The following MYO1D variants were observed in gnomAD, a reference collection of about 807,000 sequenced individuals.
MYO1D encodes the protein myosin ID.
Under a neutral mutation model 122.0 loss-of-function variants are expected in MYO1D, and 83 were observed. The observed-to-expected ratio is 0.68, with a 90% CI of 0.57 to 0.82. The LOEUF (loss-of-function observed/expected upper bound fraction) is 0.82, where lower values mean the gene tolerates loss of function less well. MYO1D is among the 40% of genes least tolerant of loss of function. MYO1D has a pLI of 0.00. For missense variants in MYO1D, 1,157 were observed against 1,269.5 expected (o/e 0.91, Z 1.35); for synonymous variants, 464 against 446.9 (o/e 1.04, Z -0.48).
intron 21 of MYO1D, among the ~76,000 whole-genome samples, chr17:32,509,801 A>C (rs1909625083): frequency 6.6e-6 from 1 of 151,848 alleles, no homozygotes. Context: ...GTTGGCCAGG[A>C]TGGTCTCGAT....
intron 21 of MYO1D, among the ~76,000 whole-genome samples, chr17:32,553,039 C>T (rs1210184342): frequency 3.4e-5 from 5 of 146,694 alleles, no homozygotes; most frequent in Non-Finnish European, 7.4e-5. Context: ...GAGTTCAGGG[C>T]CAGTATGGGC....
intron 1 of MYO1D, among the ~76,000 whole-genome samples, chr17:32,871,982 T>A (rs2091183345): frequency 6.6e-6 from 1 of 152,122 alleles, no homozygotes; most frequent in South Asian, 2.1e-4. Context: ...GGTTAGGGCT[T>A]CAAGTGGTCA....
intron 1 of MYO1D, among the ~76,000 whole-genome samples, chr17:32,829,515 G>A (rs9898669): frequency 0.037 from 5,655 of 152,222 alleles, 370 homozygotes; most frequent in African/African-American, 0.13. Flanking sequence ...GCACAGTGGC[G>A]CAATCTCAGC....
rs149804147 is a variant in MYO1D at position 32,867,392 on chromosome 17, T to C, written c.95+9386A>G. ...TCAATCATATTTCACTTTATATTGA[T>C]CCATTTATTAAGGTATCTCTTACTC... On this transcript the variant is annotated intron_variant, in intron 1 of 21. Coordinates refer to ENST00000318217, the MANE Select transcript of MYO1D (RefSeq NM_015194.3). 8.6e-3 allele frequency among the ~76,000 whole-genome samples: 1,308 copies of C among 151,872 alleles called. 13 individuals carry two copies. The highest frequency in any genetic ancestry group is 0.015 in the Non-Finnish European group (1,016 of 67,990).
At chr17:32,871,843 C>T (rs139330271) in intron 1 of MYO1D, among the ~76,000 whole-genome samples, 32 of 152,240 alleles carry the variant, frequency 2.1e-4, no homozygotes, top group African/African-American at 7.7e-4. Flanking sequence ...GGGTGCAAAG[C>T]TGATGTTAAT....
chr17:32,768,717 A>G (rs1377938633), intron 6 of MYO1D, among the ~76,000 whole-genome samples: 1 of 152,178 alleles, frequency 6.6e-6, no homozygotes, highest in East Asian at 1.9e-4. Context: ...TTCCTCACAA[A>G]TAAAATGGGC....
chr17:32,612,349 A>G (rs746040988), intron 20 of MYO1D, among the ~76,000 whole-genome samples: 9 of 152,176 alleles, frequency 5.9e-5, no homozygotes, highest in Non-Finnish European at 1.0e-4. Flanking sequence ...AATATTTAAC[A>G]TTAGGAATGA....
chr17:32,503,258 G>C (rs1909380957), intron 21 of MYO1D, among the ~76,000 whole-genome samples: 1 of 152,334 alleles, frequency 6.6e-6, no homozygotes, highest in African/African-American at 2.4e-5. Context: ...CCCCTGGTCA[G>C]CTGGGCAGTG....
chr17:32,787,763 C>G (rs1320391309), intron 1 of MYO1D, among the ~76,000 whole-genome samples: 1 of 152,096 alleles, frequency 6.6e-6, no homozygotes, highest in South Asian at 2.1e-4. Context: ...CCTTTCCCCT[C>G]AAGTTCCCGA....
chr17:32,545,076 A>G (rs1193350558), intron 21 of MYO1D, among the ~76,000 whole-genome samples: 2 of 152,132 alleles, frequency 1.3e-5, no homozygotes, highest in Non-Finnish European at 2.9e-5. Flanking sequence ...TTCCCCTTAC[A>G]AGGTCTTTGT....
intron 1 of MYO1D, among the ~76,000 whole-genome samples, chr17:32,851,643 G>A (rs2090990295): frequency 6.6e-6 from 1 of 152,202 alleles, no homozygotes; most frequent in Non-Finnish European, 1.5e-5. Context: ...CCAGGAACAG[G>A]TTCTGTGGAA....
At chr17:32,687,235 C>T (rs913545186) in intron 16 of MYO1D, among the ~76,000 whole-genome samples, 2 of 147,454 alleles carry the variant, frequency 1.4e-5, no homozygotes, top group Non-Finnish European at 3.0e-5. Flanking sequence ...CTCACTCTGT[C>T]ACCCAGGCTG....
At chr17:32,670,976 A>G (rs573751024) in intron 16 of MYO1D, among the ~76,000 whole-genome samples, 1 of 152,306 alleles carries the variant, frequency 6.6e-6, no homozygotes, top group East Asian at 1.9e-4. Context: ...GCCTGTGTCA[A>G]TGGAGAGCAG....
intron 21 of MYO1D, chr17:32,505,293 C>T (rs935496116): frequency 2.6e-5 from 4 of 152,274 alleles, no homozygotes; most frequent in African/African-American, 9.6e-5. Context: ...TGTGCTGCTT[C>T]CAGCAGCAGG....
chr17:32,502,918 G>A (rs972917061), intron 21 of MYO1D, among the ~76,000 whole-genome samples: 5 of 152,216 alleles, frequency 3.3e-5, no homozygotes, highest in Admixed American at 1.3e-4. Flanking sequence ...GGCTGCATTG[G>A]GGAGGGATAT....
At chr17:32,689,952 C>G (rs912541047) in intron 16 of MYO1D, among the ~76,000 whole-genome samples, 7 of 152,026 alleles carry the variant, frequency 4.6e-5, no homozygotes, top group African/African-American at 1.7e-4. Flanking sequence ...CCTTGAACTC[C>G]TGACCTCAGG....
At chr17:32,861,068 CTTTT>C (rs1205679858) in intron 1 of MYO1D, among the ~76,000 whole-genome samples, 5 of 135,748 alleles carry the variant, frequency 3.7e-5, no homozygotes, top group Admixed American at 7.4e-5. Context: ...GGTGTTTATT[CTTTT>C]TTTTTTTTTT....
chr17:32,740,308 A>G (rs1340467542), intron 13 of MYO1D, among the ~76,000 whole-genome samples: 1 of 152,132 alleles, frequency 6.6e-6, no homozygotes, highest in Non-Finnish European at 1.5e-5. Flanking sequence ...TTCTTTGTCT[A>G]CCTTACTCAC....
At chr17:32,830,512 T>C (rs892044552) in intron 1 of MYO1D, among the ~76,000 whole-genome samples, 3 of 152,160 alleles carry the variant, frequency 2.0e-5, no homozygotes, top group African/African-American at 4.8e-5. Context: ...AAAATGAATG[T>C]GGCAGAGACA....
Sources: allele counts gnomAD v4.1 joint callset (sites outside exome capture counted in the v4.1 genomes callset), GRCh38; gene constraint gnomAD v4.1.1; transcripts MANE v1.5; gene names NCBI Gene and HGNC (gene_info 2026-07-23, HGNC 2026-07-21).